Variants in LRP1B observed in about 807,000 individuals in gnomAD.
LRP1B encodes low-density lipoprotein receptor-related protein 1B.
LRP1B carries 217 observed loss-of-function variants against 556.6 expected under a neutral mutation model. The ratio of observed to expected loss-of-function variants is 0.39; its 90% CI spans 0.35 to 0.44. The LOEUF is 0.44. Ranked by LOEUF, LRP1B falls within the 20% of genes least tolerant of loss-of-function variation. The pLI, the probability that LRP1B is intolerant of heterozygous loss-of-function variation, is 1.00. For synonymous variants in LRP1B, 2,047 were observed against 1,865.8 expected, an observed-to-expected ratio of 1.10 and a Z score of -2.50; for missense variants, 5,053 against 5,620.8, an observed-to-expected ratio of 0.90 and a Z score of 3.23.
At chr2:140,749,441 A>T (rs888898120) in intron 35 of LRP1B, among the ~76,000 whole-genome samples, 31 of 151,842 alleles carry the variant, frequency 2.0e-4, no homozygotes, top group African/African-American at 4.6e-4. Context: ...GCTGTAAAAA[A>T]TTTTTTTTCT....
intron 1 of LRP1B, among the ~76,000 whole-genome samples, chr2:141,813,036 G>A (rs945251304): frequency 6.6e-6 from 1 of 151,992 alleles, no homozygotes; most frequent in Non-Finnish European, 1.5e-5. Context: ...AATAGTGAAT[G>A]TTTTACAGTT....
At chr2:140,722,965 C>A (rs1426255400) in intron 35 of LRP1B, among the ~76,000 whole-genome samples, 1 of 152,152 alleles carries the variant, frequency 6.6e-6, no homozygotes, top group Non-Finnish European at 1.5e-5. Flanking sequence ...ATGGTGTAAA[C>A]CCGGGAGGCA....
At chr2:141,770,780 C>T (rs976447170) in intron 2 of LRP1B, among the ~76,000 whole-genome samples, 7 of 152,200 alleles carry the variant, frequency 4.6e-5, no homozygotes, top group African/African-American at 1.7e-4. Context: ...GGAGATTGAA[C>T]TTGGAACCCC....
chr2:141,417,470 A>G (rs1252982356), intron 3 of LRP1B, among the ~76,000 whole-genome samples: 1 of 152,192 alleles, frequency 6.6e-6, no homozygotes, highest in Non-Finnish European at 1.5e-5. Context: ...TATAAGTAGA[A>G]TCATGCAAAA....
chr2:141,414,261 G>A (rs961545870), intron 3 of LRP1B, among the ~76,000 whole-genome samples: 13 of 137,488 alleles, frequency 9.5e-5, no homozygotes, highest in African/African-American at 3.2e-4. Context: ...AAAGAAAAAG[G>A]AAGGAAGGAG....
intron 2 of LRP1B, among the ~76,000 whole-genome samples, chr2:141,650,111 C>T (rs13397230): frequency 3.9e-5 from 6 of 152,120 alleles, no homozygotes; most frequent in South Asian, 2.1e-4. Context: ...ATCCAGGAGG[C>T]GGAGGTTGCA....
intron 1 of LRP1B, among the ~76,000 whole-genome samples, chr2:141,981,994 T>G (rs1702055890): frequency 6.6e-6 from 1 of 152,130 alleles, no homozygotes; most frequent in South Asian, 2.1e-4. Flanking sequence ...AGCAGAGCCC[T>G]TCACCTTTCC....
intron 1 of LRP1B, among the ~76,000 whole-genome samples, chr2:141,953,871 CTG>C (rs1275912998): frequency 2.6e-5 from 4 of 152,088 alleles, no homozygotes. Context: ...TTGTAAAACA[CTG>C]TGGTAATTGT....
intron 2 of LRP1B, among the ~76,000 whole-genome samples, chr2:141,786,645 T>G (rs1695437629): frequency 6.6e-6 from 1 of 151,948 alleles, no homozygotes; most frequent in Non-Finnish European, 1.5e-5. Context: ...TTTGCTTGTC[T>G]TATTGGACTG....
At chr2:141,697,372 G>C (rs1181999880) in intron 2 of LRP1B, among the ~76,000 whole-genome samples, 1 of 151,930 alleles carries the variant, frequency 6.6e-6, no homozygotes, top group Non-Finnish European at 1.5e-5. Context: ...CTCATAGGTA[G>C]AGGGTTGCTG....
intron 35 of LRP1B, among the ~76,000 whole-genome samples, chr2:140,731,221 C>G (rs150198168): frequency 0.012 from 1,875 of 152,280 alleles, 18 homozygotes; most frequent in Non-Finnish European, 0.017. Flanking sequence ...TATAGTTATA[C>G]TTTACACAGA....
At chr2:141,713,695 G>C (rs1490376455) in intron 2 of LRP1B, among the ~76,000 whole-genome samples, 1 of 152,138 alleles carries the variant, frequency 6.6e-6, no homozygotes, top group Non-Finnish European at 1.5e-5. Flanking sequence ...CAATTGAACA[G>C]AATGAGATGT....
intron 3 of LRP1B, among the ~76,000 whole-genome samples, chr2:141,455,599 G>T (rs556114075): frequency 6.6e-6 from 1 of 152,146 alleles, no homozygotes; most frequent in South Asian, 2.1e-4. Flanking sequence ...CTCCCATCAA[G>T]AAATCTAAAT....
chr2:141,314,115 C>G (rs1207288538), intron 3 of LRP1B, among the ~76,000 whole-genome samples: 1 of 152,076 alleles, frequency 6.6e-6, no homozygotes, highest in African/African-American at 2.4e-5. Context: ...AGCTTCTGGA[C>G]AGTGATGATG....
chr2:140,507,012 A>G, intron 52 of LRP1B, 94 bp from the exon 53 acceptor site: 3 of 1,296,848 alleles, frequency 2.3e-6, no homozygotes, highest in Non-Finnish European at 2.1e-6. Flanking sequence ...ATCATATCCA[A>G]TAATTCATAG....
Position 141,868,270 on chromosome 2 carries a change from C to T in LRP1B, c.83-57869G>A, listed in dbSNP as rs573042666. On this transcript the variant is annotated intron_variant, in intron 1 of 90. Transcript: ENST00000389484. The stretch of plus-strand genomic sequence containing the variant: ...TTCCAGTACATACCACAGAGAGATG[C>T]CCCGGTGAGAAGCAACTGGATTGCC... 3.9e-5 allele frequency among the ~76,000 whole-genome samples: 6 copies of T among 152,078 alleles called. No homozygotes were observed. In the South Asian group the frequency reaches 1.0e-3, roughly 26 times the overall value.
At chr2:140,874,635 A>T (rs1196039948) in intron 25 of LRP1B, among the ~76,000 whole-genome samples, 3 of 147,598 alleles carry the variant, frequency 2.0e-5, no homozygotes, top group South Asian at 2.1e-4. Context: ...TTTTTTTTTT[A>T]AATTAAGGTT....
At chr2:141,706,344 AAGAG>A (rs946034175) in intron 2 of LRP1B, among the ~76,000 whole-genome samples, 2 of 152,132 alleles carry the variant, frequency 1.3e-5, no homozygotes, top group African/African-American at 2.4e-5. Context: ...CGAGGCACAG[AAGAG>A]AGACTGTGTC....
At chr2:141,519,459 G>T (rs1684457761) in intron 2 of LRP1B, among the ~76,000 whole-genome samples, 2 of 145,992 alleles carry the variant, frequency 1.4e-5, no homozygotes, top group Non-Finnish European at 3.0e-5. Flanking sequence ...CTTCTAACCT[G>T]AAGTGTTTTC....
Sources: allele counts gnomAD v4.1 joint callset (sites outside exome capture counted in the v4.1 genomes callset), GRCh38; gene constraint gnomAD v4.1.1; transcripts MANE v1.5; gene names NCBI Gene and HGNC (gene_info 2026-07-23, HGNC 2026-07-21).